MYO18B: variants seen among roughly 807,000 people sequenced by gnomAD.
MYO18B encodes the protein unconventional myosin-XVIIIb.
A neutral mutation model predicts 273.0 loss-of-function variants in MYO18B; 204 were observed. The observed-to-expected ratio is 0.75, with a 90% CI of 0.67 to 0.84. MYO18B has a LOEUF of 0.84. MYO18B is among the 40% of genes least tolerant of loss of function. The probability of loss-of-function intolerance (pLI) is 0.00; values close to 1 mark genes in which losing one functional copy is unlikely to be tolerated. For missense variants in MYO18B, 3,212 were observed against 3,287.6 expected, an observed-to-expected ratio of 0.98 and a Z score of 0.56; for synonymous variants, 1,330 against 1,305.7, an observed-to-expected ratio of 1.02 and a Z score of -0.40.
chr22:25,939,973 A>G (rs2092624741), intron 34 of MYO18B, among the ~76,000 whole-genome samples: 1 of 152,190 alleles, frequency 6.6e-6, no homozygotes, highest in Non-Finnish European at 1.5e-5. Flanking sequence ...AATACATGAA[A>G]AGTGTTCAGA....
chr22:25,847,948 TACAC>T lies in MYO18B; in HGVS notation c.3775+320_3775+323del, dbSNP rs59375568. ...TATTTCTTCTGAAAACACACACACA[TACAC>T]ACACACACACACACACACACACAAA... On this transcript the variant is annotated intron_variant, in intron 20 of 43. Coordinates refer to ENST00000335473, the MANE Select transcript of MYO18B (RefSeq NM_032608.7). Among the ~76,000 whole-genome samples the T allele has an allele frequency of 9.4e-3, 1,369 of 146,268 alleles. 34 individuals carry two copies. The highest frequency in any genetic ancestry group is 0.071 in the South Asian group (324 of 4,566).
the MYO18B span, among the ~76,000 whole-genome samples, chr22:26,056,030 A>G: frequency 1.3e-5 from 2 of 152,200 alleles, no homozygotes; most frequent in East Asian, 3.8e-4. Context: ...GTGCCTATGT[A>G]TGTATTTCTT....
intron 20 of MYO18B, among the ~76,000 whole-genome samples, chr22:25,848,899 G>A (rs941938677): frequency 1.3e-5 from 2 of 152,148 alleles, no homozygotes; most frequent in Non-Finnish European, 2.9e-5. Flanking sequence ...GTGTATGGTC[G>A]CTTCTCCCAT....
intron 13 of MYO18B, 61 bp downstream of exon 13, chr22:25,823,739 A>G (rs574239377): frequency 1.3e-6 from 2 of 1,548,036 alleles, no homozygotes; most frequent in African/African-American, 1.4e-5. Context: ...TCCTGGGGAT[A>G]CACCAGCATT....
At chr22:26,003,980 A>G (rs1001221232) in intron 41 of MYO18B, among the ~76,000 whole-genome samples, 2 of 143,804 alleles carry the variant, frequency 1.4e-5, no homozygotes, top group East Asian at 2.0e-4. Flanking sequence ...TAAAAATTTT[A>G]TTGTTATTTA....
At chr22:25,905,502 G>A (rs1033419158) in intron 31 of MYO18B, among the ~76,000 whole-genome samples, 7 of 152,168 alleles carry the variant, frequency 4.6e-5, no homozygotes, top group Non-Finnish European at 1.0e-4. Context: ...CAGCAGGGTT[G>A]GGGGAGAGAT....
chr22:25,859,668 C>T (rs1449668001), intron 21 of MYO18B, among the ~76,000 whole-genome samples: 2 of 151,714 alleles, frequency 1.3e-5, no homozygotes, highest in Non-Finnish European at 2.9e-5. Context: ...CATTTTATCT[C>T]TTTTTTTGTG....
At chr22:26,050,275 T>A in the MYO18B span, among the ~76,000 whole-genome samples, 1 of 152,212 alleles carries the variant, frequency 6.6e-6, no homozygotes, top group Admixed American at 6.5e-5. Context: ...GTGTCATAAT[T>A]ACACACCGGA....
intron 34 of MYO18B, among the ~76,000 whole-genome samples, chr22:25,925,763 G>A (rs990689936): frequency 3.3e-5 from 5 of 150,524 alleles, no homozygotes; most frequent in East Asian, 4.0e-4. Context: ...AAATTAGCCC[G>A]GTGTGGTGGT....
At chr22:25,957,722 TGC>T (rs1478736617) in intron 39 of MYO18B, among the ~76,000 whole-genome samples, 1 of 152,150 alleles carries the variant, frequency 6.6e-6, no homozygotes, top group Non-Finnish European at 1.5e-5. Context: ...TGGCTCCAGG[TGC>T]TCCTTGGTTT....
At chr22:25,989,659 G>T (rs1448556031) in intron 39 of MYO18B, among the ~76,000 whole-genome samples, 2 of 145,298 alleles carry the variant, frequency 1.4e-5, no homozygotes, top group African/African-American at 5.0e-5. Flanking sequence ...AAAAGCCAGC[G>T]TGGTGGCAGG....
intron 37 of MYO18B, among the ~76,000 whole-genome samples, chr22:25,951,116 A>C (rs575933840): frequency 6.6e-6 from 1 of 152,336 alleles, no homozygotes; most frequent in Non-Finnish European, 1.5e-5. Context: ...GGTGCCCACC[A>C]GATTAAGGGT....
chr22:25,875,575 G>A (rs961957874), intron 23 of MYO18B, among the ~76,000 whole-genome samples: 1 of 152,142 alleles, frequency 6.6e-6, no homozygotes, highest in African/African-American at 2.4e-5. Context: ...AGCAGCATCA[G>A]CATCACCTGG....
intron 27 of MYO18B, chr22:25,892,367 C>T (rs537602235): frequency 1.3e-5 from 2 of 152,284 alleles, no homozygotes; most frequent in Non-Finnish European, 2.9e-5. Context: ...CGAGAGGACT[C>T]TTGGTTTTAC....
intron 40 of MYO18B, among the ~76,000 whole-genome samples, chr22:25,999,651 T>C (rs12106548): frequency 2.3e-3 from 140 of 59,586 alleles, no homozygotes; most frequent in African/African-American, 0.012. Context: ...TTCTCCTCCT[T>C]CTCCTCCTCC....
chr22:25,987,826 A>C (rs535480198), intron 39 of MYO18B, among the ~76,000 whole-genome samples: 2 of 152,316 alleles, frequency 1.3e-5, no homozygotes, highest in South Asian at 4.1e-4. Context: ...TTGTTTGTCT[A>C]CAGTGTGTAC....
intron 34 of MYO18B, among the ~76,000 whole-genome samples, chr22:25,937,581 C>T: frequency 7.4e-6 from 1 of 135,940 alleles, no homozygotes; most frequent in African/African-American, 2.9e-5. Flanking sequence ...CCTGGCCTGA[C>T]ATTCTTTTTT....
At chr22:26,036,423 G>A in the MYO18B span, among the ~76,000 whole-genome samples, 3 of 152,302 alleles carry the variant, frequency 2.0e-5, no homozygotes, top group South Asian at 6.2e-4. Context: ...ACTTCTAAGA[G>A]ACAGTGGTTG....
intron 17 of MYO18B, among the ~76,000 whole-genome samples, chr22:25,842,375 T>C (rs997516339): frequency 3.3e-5 from 5 of 152,134 alleles, no homozygotes; most frequent in African/African-American, 9.7e-5. Context: ...CCACTCTTAA[T>C]AGGAATCCAT....
Sources: gnomAD v4.1 joint callset for allele counts (sites outside exome capture counted in the v4.1 genomes callset) on GRCh38, gnomAD v4.1.1 for gene constraint, MANE v1.5 for transcripts, NCBI Gene and HGNC (gene_info 2026-07-23, HGNC 2026-07-21) for gene names.